The following ABLIM2 variants were observed in gnomAD, a reference collection of about 807,000 sequenced individuals.
ABLIM2 encodes the protein actin-binding LIM protein 2.
ABLIM2 carries 53 observed loss-of-function variants against 97.7 expected under a neutral mutation model. The ratio of observed to expected loss-of-function variants is 0.54; its 90% CI spans 0.44 to 0.68. The LOEUF (loss-of-function observed/expected upper bound fraction) is 0.68. Among genes scored for constraint, ABLIM2 ranks in the 30% least tolerant of loss-of-function variants. ABLIM2 has a pLI of 0.00. For missense variants in ABLIM2, 835 were observed against 867.2 expected (o/e 0.96, Z 0.47); for synonymous variants, 361 against 345.8 (o/e 1.04, Z -0.49).
At position 8,009,126 on chromosome 4, in the gene ABLIM2, A is replaced by T. The variant is rs764910046; in HGVS notation, c.1424-24T>A. ...AGCTGGAAGGGAAAAATCCATTTGT[A>T]AAGGCCACACACCATTGCTTGTGGG... On this transcript the variant is annotated intron_variant, in intron 14 of 20. Coordinates refer to ENST00000447017, the MANE Select transcript of ABLIM2 (RefSeq NM_001130083.2). 5.0e-6 allele frequency: 8 copies of T among 1,613,838 alleles called. No homozygotes were observed. In the South Asian group the frequency reaches 8.8e-5, roughly 18 times the overall value.
chr4:8,039,096 CTG>C (rs1380250550), intron 9 of ABLIM2, among the ~76,000 whole-genome samples: 1 of 152,204 alleles, frequency 6.6e-6, no homozygotes, highest in Non-Finnish European at 1.5e-5. Context: ...CCCCTCAAGA[CTG>C]TGGCTCCTAG....
chr4:8,111,608 T>C (rs1840369632), intron 1 of ABLIM2, among the ~76,000 whole-genome samples: 1 of 152,192 alleles, frequency 6.6e-6, no homozygotes, highest in Admixed American at 6.5e-5. Context: ...AGAGATGCTC[T>C]GAGAAATAAA....
intron 14 of ABLIM2, among the ~76,000 whole-genome samples, chr4:8,013,360 T>C (rs776630233): frequency 3.3e-5 from 5 of 151,760 alleles, no homozygotes; most frequent in Non-Finnish European, 7.4e-5. Flanking sequence ...GTAGCTGGGA[T>C]TACAGGTGAC....
intron 1 of ABLIM2, among the ~76,000 whole-genome samples, chr4:8,116,499 G>A (rs1842860844): frequency 6.6e-6 from 1 of 152,184 alleles, no homozygotes. Context: ...GGGGACCCTG[G>A]GGATTTTGCA....
intron 17 of ABLIM2, 101 bp from the exon 18 acceptor site, chr4:7,984,994 C>T (rs963745801): frequency 9.4e-6 from 12 of 1,271,940 alleles, no homozygotes; most frequent in South Asian, 7.0e-5. Context: ...CCGAGGTCCT[C>T]GTGCTGCCTG....
At chr4:8,042,746 G>A (rs1348976096) in intron 9 of ABLIM2, among the ~76,000 whole-genome samples, 1 of 151,726 alleles carries the variant, frequency 6.6e-6, no homozygotes, top group Non-Finnish European at 1.5e-5. Context: ...GGCTGAGGCA[G>A]GAGAATCGCT....
chr4:8,066,125 C>A (rs962258813), intron 6 of ABLIM2, among the ~76,000 whole-genome samples: 2 of 149,812 alleles, frequency 1.3e-5, no homozygotes, highest in African/African-American at 4.9e-5. Context: ...CACGGTGAAA[C>A]CCTGTCTCTA....
intron 19 of ABLIM2, 91 bp from the exon 20 acceptor site, chr4:7,983,435 T>G: frequency 6.3e-7 from 1 of 1,578,254 alleles, no homozygotes. Context: ...GAATACATAC[T>G]TGCGTCTGCA....
rs1812357590 is a variant in ABLIM2 at position 8,071,774 on chromosome 4, C to G, written c.675+5854G>C. 1 of 985,224 alleles carries G rather than the reference C, an allele frequency of 1.0e-6. No homozygotes were observed. Among genetic ancestry groups the G allele is most frequent in the Non-Finnish European group, 1.2e-6 (1 of 829,992 alleles). 61.0% of individuals were successfully genotyped at this position (985,224 alleles called of 1,614,324 possible). On this transcript the variant is annotated intron_variant, in intron 6 of 20. Coordinates refer to ENST00000447017, the MANE Select transcript of ABLIM2 (RefSeq NM_001130083.2). This position sits in a 1 kb window ranked among gnomAD's most constrained non-coding sequence, Gnocchi z 6.2. ...TTGCGGGCCAGGTTTCCTACCTGCA[C>G]AGCTTCTGGGCACCAGAGCCCAGTC...
intron 1 of ABLIM2, among the ~76,000 whole-genome samples, chr4:8,126,490 C>A (rs999432517): frequency 2.0e-5 from 3 of 149,172 alleles, no homozygotes; most frequent in African/African-American, 4.9e-5. Flanking sequence ...CTCTCCCTAG[C>A]CCCCCAGATT....
In ABLIM2 at chr4:8,054,443, C is replaced by T. The variant is rs1797793350; in HGVS notation, c.764-197G>A. Among the ~76,000 whole-genome samples, 1 of 152,258 alleles carries T rather than the reference C, an allele frequency of 6.6e-6. No homozygotes were observed. Among genetic ancestry groups the T allele is most frequent in the East Asian group, 1.9e-4 (1 of 5,200 alleles). ...TACCCAGATCACAGTCCCCGCCCCT[C>T]AGGGGCTCACAGCCCAGTTGTGGGA... On this transcript the variant is annotated intron_variant, in intron 7 of 20. Coordinates refer to ENST00000447017, the MANE Select transcript of ABLIM2 (RefSeq NM_001130083.2). This position sits in a 1 kb window ranked among gnomAD's most constrained non-coding sequence, Gnocchi z 4.9.
chr4:8,029,743 G>C lies in ABLIM2; in HGVS notation c.1081C>G (p.Arg361Gly), dbSNP rs1437301339. The C allele has an allele frequency of 6.4e-7, 1 of 1,562,802 alleles. No individual in the cohort carries two copies. Among genetic ancestry groups the C allele is most frequent in the Admixed American group, 1.9e-5 (1 of 52,624 alleles). The change falls in exon 11 of 21, where the codon CGG (arginine) becomes GGG (glycine). Residue 361 changes from arginine (R) to glycine (G), a missense_variant. By Grantham distance (125) the Arg-to-Gly change is moderately radical (BLOSUM62 -2). Transcript: ENST00000447017. ...DQDDRSYKQC[R>G]TSSPSSTGSV... Reference sequence around the variant, plus strand: ...CCAGTGGAGCTTGGGCTGGAGGTCCGACACTGCTTGTAGGACCGGTCATCC... The same window carrying C: ...CCAGTGGAGCTTGGGCTGGAGGTCCCACACTGCTTGTAGGACCGGTCATCC...
chr4:8,118,164 G>T (rs948893714), intron 1 of ABLIM2, among the ~76,000 whole-genome samples: 1 of 152,226 alleles, frequency 6.6e-6, no homozygotes, highest in Non-Finnish European at 1.5e-5. Context: ...AGACTCAGAG[G>T]CCGAGGCTGG....
chr4:8,016,197 C>G (rs1189315693), intron 14 of ABLIM2, among the ~76,000 whole-genome samples: 1 of 152,036 alleles, frequency 6.6e-6, no homozygotes, highest in East Asian at 1.9e-4. Flanking sequence ...GCATGCACCA[C>G]CATGCCAGGT....
Position 8,072,838 on chromosome 4 carries a change from G to A in ABLIM2, c.675+4790C>T, listed in dbSNP as rs374007066. 4.2e-4 allele frequency among the ~76,000 whole-genome samples: 64 copies of A among 152,346 alleles called. No homozygotes were observed. Among genetic ancestry groups the A allele is most frequent in the South Asian group, 1.4e-3 (7 of 4,830 alleles). On this transcript the variant is annotated intron_variant, in intron 6 of 20. Coordinates refer to ENST00000447017, the MANE Select transcript of ABLIM2 (RefSeq NM_001130083.2). The surrounding 1 kb of genome is among the most constrained non-coding windows in gnomAD (Gnocchi z 5.8). ...AGGAGCAGGGTCAGGGACAGCACCT[G>A]AGTGGGGAACGCAGGCCCTGCAAGG...
chr4:8,041,788 C>T (rs536210924), intron 9 of ABLIM2, among the ~76,000 whole-genome samples: 5 of 152,134 alleles, frequency 3.3e-5, no homozygotes, highest in African/African-American at 1.2e-4. Flanking sequence ...CCTGTTGTCC[C>T]AGCTACTCGG....
At position 8,004,978 on chromosome 4, in the gene ABLIM2, C is replaced by T. The variant is rs1371257497; in HGVS notation, c.1618+3081G>A. ...GTCCTCTGGCTTCCCTGCTGGGGAA[C>T]AGGGACTGGGCCATGCTCACCACTG... On this transcript the variant is annotated intron_variant, in intron 16 of 20. Coordinates refer to ENST00000447017, the MANE Select transcript of ABLIM2 (RefSeq NM_001130083.2). The surrounding 1 kb of genome is among the most constrained non-coding windows in gnomAD (Gnocchi z 5.9). Among the ~76,000 whole-genome samples the T allele has an allele frequency of 1.3e-5, 2 of 152,194 alleles. No homozygotes were observed. The highest frequency in any genetic ancestry group is 2.9e-5 in the Non-Finnish European group (2 of 68,044).
chr4:8,057,479 G>C (rs1417601177), intron 7 of ABLIM2, among the ~76,000 whole-genome samples: 1 of 152,172 alleles, frequency 6.6e-6, no homozygotes, highest in Non-Finnish European at 1.5e-5. Context: ...TAGAAATGGA[G>C]TCTTGGCTCA....
chr4:7,977,432 C>T (rs548480928), intron 20 of ABLIM2, among the ~76,000 whole-genome samples: 1 of 152,348 alleles, frequency 6.6e-6, no homozygotes. Flanking sequence ...CACATGCATG[C>T]ACACAGGCAC....
Sources: gnomAD v4.1 joint callset for allele counts (sites outside exome capture counted in the v4.1 genomes callset) on GRCh38, gnomAD v4.1.1 for gene constraint, Gnocchi (gnomAD v3.1) non-coding constraint, MANE v1.5 for transcripts, NCBI Gene and HGNC (gene_info 2026-07-23, HGNC 2026-07-21) for gene names.